NELL2: variants seen among roughly 807,000 people sequenced by gnomAD.
The protein encoded by NELL2 is protein kinase C-binding protein NELL2.
In NELL2, 41 loss-of-function variants were observed where a neutral mutation model predicts 109.6. The ratio of observed to expected loss-of-function variants is 0.37; its 90% CI spans 0.29 to 0.49. NELL2 has a LOEUF of 0.49. Ranked by LOEUF, NELL2 falls within the 20% of genes least tolerant of loss-of-function variation. NELL2 has a pLI of 0.98. For synonymous variants in NELL2, 355 were observed against 344.7 expected, an observed-to-expected ratio of 1.03 and a Z score of -0.33; for missense variants, 900 against 1,008.3, an observed-to-expected ratio of 0.89 and a Z score of 1.45.
intron 12 of NELL2, among the ~76,000 whole-genome samples, chr12:44,677,510 ATG>A (rs1948357397): frequency 1.3e-5 from 2 of 152,210 alleles, no homozygotes. Flanking sequence ...ATAGGGGCAT[ATG>A]TGTTTGTGCT....
chr12:44,868,012 T>G (rs1945053200), intron 2 of NELL2, among the ~76,000 whole-genome samples: 1 of 149,948 alleles, frequency 6.7e-6, no homozygotes, highest in African/African-American at 2.5e-5. Context: ...CTCAGCTACT[T>G]GGGAGGCTGA....
At chr12:44,596,529 T>C (rs1435501801) in intron 15 of NELL2, among the ~76,000 whole-genome samples, 1 of 152,186 alleles carries the variant, frequency 6.6e-6, no homozygotes. Flanking sequence ...ACTGAGCCAT[T>C]GCTTGGTTTA....
At chr12:44,747,064 G>C (rs1801379994) in intron 9 of NELL2, among the ~76,000 whole-genome samples, 2 of 152,130 alleles carry the variant, frequency 1.3e-5, no homozygotes, top group African/African-American at 4.8e-5. Context: ...GTCCAACAAC[G>C]ATAGACTGGA....
At chr12:44,662,951 T>A (rs1403237195) in intron 13 of NELL2, among the ~76,000 whole-genome samples, 2 of 152,162 alleles carry the variant, frequency 1.3e-5, no homozygotes, top group Non-Finnish European at 2.9e-5. Flanking sequence ...TGACATTCAT[T>A]CTGGAACGTC....
At chr12:44,886,098 AG>A (rs1945468961) in intron 1 of NELL2, among the ~76,000 whole-genome samples, 1 of 115,794 alleles carries the variant, frequency 8.6e-6, no homozygotes, top group Non-Finnish European at 1.7e-5. Context: ...GAAGGAAGGA[AG>A]GAAGGAAGGA....
chr12:44,859,794 G>T (rs572245688), intron 2 of NELL2, among the ~76,000 whole-genome samples: 3 of 152,250 alleles, frequency 2.0e-5, no homozygotes, highest in African/African-American at 7.2e-5. Context: ...CTTCAGCCAT[G>T]ACACTGAAAG....
Position 44,508,842 on chromosome 12 carries a change from C to T in NELL2, c.*92G>A. 9.3e-7 allele frequency: 1 copy of T among 1,080,558 alleles called. No homozygotes were observed. Among genetic ancestry groups the T allele is most frequent in the Non-Finnish European group, 1.4e-6 (1 of 717,870 alleles). 66.9% of individuals were successfully genotyped at this position (1,080,558 alleles called of 1,614,324 possible). ...TATTAACAAAGCTGCATTTAGCTGC[C>T]CACAAATCACCCAATTTAAGTTTTA... is the stretch of plus-strand genomic sequence containing the variant. On this transcript the variant is annotated 3_prime_UTR_variant, in exon 20 of 20. Transcript: ENST00000429094.
intron 15 of NELL2, among the ~76,000 whole-genome samples, chr12:44,565,381 A>C (rs936869547): frequency 6.6e-6 from 1 of 152,188 alleles, no homozygotes; most frequent in Non-Finnish European, 1.5e-5. Flanking sequence ...ACACTTTCTG[A>C]TTTTTGGAAT....
intron 3 of NELL2, among the ~76,000 whole-genome samples, chr12:44,787,643 C>G (rs1457717379): frequency 6.6e-6 from 1 of 151,936 alleles, no homozygotes; most frequent in Non-Finnish European, 1.5e-5. Flanking sequence ...CAAGAATATA[C>G]CCACACAAAT....
intron 1 of NELL2, among the ~76,000 whole-genome samples, chr12:44,897,352 C>T (rs914958698): frequency 6.6e-6 from 1 of 152,060 alleles, no homozygotes; most frequent in Admixed American, 6.5e-5. Context: ...GGAACAGCTC[C>T]GGTCTACAGC....
intron 13 of NELL2, among the ~76,000 whole-genome samples, chr12:44,663,242 G>A (rs1947811512): frequency 6.6e-6 from 1 of 151,770 alleles, no homozygotes; most frequent in South Asian, 2.1e-4. Context: ...GACCTTCTAA[G>A]GCCTAACATT....
At chr12:44,634,109 AG>A (rs1463585846) in intron 13 of NELL2, among the ~76,000 whole-genome samples, 4 of 152,180 alleles carry the variant, frequency 2.6e-5, no homozygotes, top group Admixed American at 6.6e-5. Flanking sequence ...AAAATTGTAA[AG>A]GATTTTACAA....
chr12:44,822,845 G>C (rs191442960), intron 2 of NELL2, among the ~76,000 whole-genome samples: 11 of 152,272 alleles, frequency 7.2e-5, no homozygotes, highest in African/African-American at 2.2e-4. Flanking sequence ...CCAGAATGGA[G>C]TGATGAGTTC....
At chr12:44,754,295 T>C (rs1335189700) in intron 9 of NELL2, among the ~76,000 whole-genome samples, 6 of 152,192 alleles carry the variant, frequency 3.9e-5, no homozygotes, top group Admixed American at 2.6e-4. Flanking sequence ...CAATGATGTA[T>C]AGTCTCTGGA....
Position 44,588,407 on chromosome 12 carries a change from C to A in NELL2, c.1663+18762G>T, listed in dbSNP as rs575516891. Among the ~76,000 whole-genome samples, 160 of 152,144 alleles carry A rather than the reference C, an allele frequency of 1.1e-3. 1 individual carries two copies. Among genetic ancestry groups the A allele is most frequent in the African/African-American group, 3.6e-3 (148 of 41,498 alleles). On this transcript the variant is annotated intron_variant, in intron 15 of 19. Coordinates refer to ENST00000429094, the MANE Select transcript of NELL2 (RefSeq NM_001145108.2). ...GGCTGTGGGGGTCTGTTGAAGGAAA[C>A]CTCTCTCTCATGATCATGCACTCTA...
intron 13 of NELL2, among the ~76,000 whole-genome samples, chr12:44,624,283 C>A (rs936109703): frequency 7.2e-5 from 11 of 151,910 alleles, no homozygotes; most frequent in Non-Finnish European, 1.3e-4. Context: ...TTACTCACAC[C>A]TCTCTCCAAT....
At chr12:44,645,037 GA>G (rs1212854713) in intron 13 of NELL2, among the ~76,000 whole-genome samples, 1 of 152,048 alleles carries the variant, frequency 6.6e-6, no homozygotes, top group Admixed American at 6.6e-5. Flanking sequence ...GCCAACTATG[GA>G]AAAGGAGAGG....
rs576454747 is a variant in NELL2, at chr12:44,860,521, G to A, written c.184+14704C>T. Among the ~76,000 whole-genome samples the A allele has an allele frequency of 1.2e-4, 19 of 152,160 alleles. 1 individual carries two copies. The highest frequency in any genetic ancestry group is 4.6e-4 in the African/African-American group (19 of 41,536). ...GCTCTAAGAGAAAACTTGTTTTCTT[G>A]CTTTTTACAGCTTCTAGAGAATGTC... On this transcript the variant is annotated intron_variant, in intron 2 of 19. Coordinates refer to ENST00000429094, the MANE Select transcript of NELL2 (RefSeq NM_001145108.2).
intron 18 of NELL2, among the ~76,000 whole-genome samples, chr12:44,521,549 T>C (rs1941540880): frequency 7.0e-6 from 1 of 143,326 alleles, no homozygotes; most frequent in Non-Finnish European, 1.5e-5. Context: ...AAAAGAAGGT[T>C]GCGGTGGTGG....
Sources: allele counts gnomAD v4.1 joint callset (sites outside exome capture counted in the v4.1 genomes callset), GRCh38; gene constraint gnomAD v4.1.1; transcripts MANE v1.5; gene names NCBI Gene and HGNC (gene_info 2026-07-23, HGNC 2026-07-21).